CRADD: variants seen among roughly 807,000 people sequenced by gnomAD.
The protein encoded by CRADD is death domain-containing protein CRADD.
Under a neutral mutation model 15.5 loss-of-function variants are expected in CRADD, and 9 were observed. The ratio of observed to expected loss-of-function variants is 0.58; its 90% CI spans 0.35 to 1.01. The LOEUF (loss-of-function observed/expected upper bound fraction) is 1.01. Among genes scored for constraint, CRADD ranks in the 50% least tolerant of loss-of-function variants. The pLI is 0.02. For missense variants in CRADD, 227 were observed against 250.3 expected (o/e 0.91, Z 0.63); for synonymous variants, 118 against 107.6 (o/e 1.10, Z -0.60).
chr12:93,701,295 GACACACAC>G (rs55986038), intron 2 of CRADD, among the ~76,000 whole-genome samples: 7 of 143,350 alleles, frequency 4.9e-5, no homozygotes, highest in South Asian at 2.3e-4. Flanking sequence ...CTCTCTCTGT[GACACACAC>G]ACACACACAC....
intron 2 of CRADD, among the ~76,000 whole-genome samples, chr12:93,868,702 A>G (rs2137064657): frequency 1.3e-5 from 2 of 152,022 alleles, no homozygotes; most frequent in Admixed American, 1.3e-4. Context: ...ACACACACAC[A>G]CACACACACA....
chr12:93,726,094 G>GTTTT (rs1165429350), intron 2 of CRADD, among the ~76,000 whole-genome samples: 93 of 96,046 alleles, frequency 9.7e-4, no homozygotes, highest in Non-Finnish European at 1.3e-3. Flanking sequence ...AAATAGTTTA[G>GTTTT]TTTTTTTTTT....
intron 2 of CRADD, among the ~76,000 whole-genome samples, chr12:93,830,607 T>C (rs369230184): frequency 6.6e-6 from 1 of 152,254 alleles, no homozygotes; most frequent in East Asian, 1.9e-4. Flanking sequence ...ATGTTATTTC[T>C]GCAGTCCTTT....
intron 2 of CRADD, among the ~76,000 whole-genome samples, chr12:93,877,280 A>G (rs561345415): frequency 6.6e-6 from 1 of 152,162 alleles, no homozygotes; most frequent in Non-Finnish European, 1.5e-5. Context: ...ACAGCACTGG[A>G]TTTCACCAAA....
intron 2 of CRADD, among the ~76,000 whole-genome samples, chr12:93,763,654 C>T (rs746927579): frequency 2.6e-5 from 4 of 151,826 alleles, no homozygotes; most frequent in Non-Finnish European, 5.9e-5. Flanking sequence ...GTATTACCTA[C>T]TTTTAAATGC....
At chr12:93,816,737 G>T (rs2137013858) in intron 2 of CRADD, among the ~76,000 whole-genome samples, 1 of 152,266 alleles carries the variant, frequency 6.6e-6, no homozygotes, top group South Asian at 2.1e-4. Flanking sequence ...CAGTTCACCT[G>T]TCTAGGCAGG....
intron 2 of CRADD, among the ~76,000 whole-genome samples, chr12:93,788,940 A>T (rs1195157487): frequency 1.3e-5 from 2 of 152,050 alleles, no homozygotes; most frequent in African/African-American, 4.8e-5. Flanking sequence ...TCTGAAATAG[A>T]AGCACCTCTC....
At chr12:93,839,192 T>A (rs540629906) in intron 2 of CRADD, among the ~76,000 whole-genome samples, 2 of 152,212 alleles carry the variant, frequency 1.3e-5, no homozygotes, top group African/African-American at 4.8e-5. Context: ...TGTGCTGTTT[T>A]GTATTTCTAT....
At chr12:93,811,863 A>T (rs1163681445) in intron 2 of CRADD, among the ~76,000 whole-genome samples, 13 of 152,216 alleles carry the variant, frequency 8.5e-5, no homozygotes, top group Non-Finnish European at 1.5e-5. Flanking sequence ...CTTTATTCAT[A>T]ATTGCCAAGA....
At chr12:93,852,836 A>AGTGTGTGT (rs58175344), downstream of CRADD, among the ~76,000 whole-genome samples, 113 of 149,588 alleles carry the variant, frequency 7.6e-4, no homozygotes, top group African/African-American at 2.1e-3. Context: ...GTTGGGTTGG[A>AGTGTGTGT]GTGTGTGTGT....
intron 2 of CRADD, among the ~76,000 whole-genome samples, chr12:93,718,148 G>C (rs901315025): frequency 2.0e-5 from 3 of 152,176 alleles, no homozygotes; most frequent in Admixed American, 2.0e-4. Flanking sequence ...TGAGTTGGCT[G>C]TTCTGGGTCT....
intron 2 of CRADD, among the ~76,000 whole-genome samples, chr12:93,709,715 G>T (rs993596616): frequency 6.6e-6 from 1 of 152,092 alleles, no homozygotes. Context: ...ATAGTGCTTC[G>T]GTGAACATTC....
intron 2 of CRADD, among the ~76,000 whole-genome samples, chr12:93,795,106 A>C (rs895610843): frequency 2.6e-5 from 4 of 152,004 alleles, no homozygotes; most frequent in Non-Finnish European, 5.9e-5. Context: ...TTTTGCCCCT[A>C]CCTATAAAGT....
intron 2 of CRADD, among the ~76,000 whole-genome samples, chr12:93,728,011 A>T (rs1211940947): frequency 6.6e-6 from 1 of 152,112 alleles, no homozygotes; most frequent in Non-Finnish European, 1.5e-5. Context: ...GTGTTACTAT[A>T]TGCAACTTGT....
chr12:93,884,235 C>CTTATT (rs1170202310), intron 2 of CRADD, among the ~76,000 whole-genome samples: 2 of 152,206 alleles, frequency 1.3e-5, no homozygotes, highest in East Asian at 3.8e-4. Flanking sequence ...CATCCAATAA[C>CTTATT]CTCCATTACA....
intron 1 of CRADD, 69 bp from the exon 2 acceptor site, chr12:93,678,700 G>T: frequency 6.6e-7 from 1 of 1,511,778 alleles, no homozygotes; most frequent in Non-Finnish European, 9.0e-7. Context: ...AACTTACATT[G>T]CAGTGACACT....
At chr12:93,854,654 A>G (rs1338550114), downstream of CRADD, among the ~76,000 whole-genome samples, 1 of 152,130 alleles carries the variant, frequency 6.6e-6, no homozygotes, top group Non-Finnish European at 1.5e-5. Flanking sequence ...GAATCACAGT[A>G]ACAGGCAAGC....
intron 2 of CRADD, among the ~76,000 whole-genome samples, chr12:93,834,777 C>T (rs1957955986): frequency 6.6e-6 from 1 of 152,220 alleles, no homozygotes. Flanking sequence ...CGTGAGCCAC[C>T]ATGCCCAGCC....
intron 2 of CRADD, among the ~76,000 whole-genome samples, chr12:93,831,587 A>G (rs1038698485): frequency 2.6e-5 from 4 of 152,220 alleles, no homozygotes; most frequent in Admixed American, 6.5e-5. Flanking sequence ...CTGCTCCACA[A>G]GTGTTTTAAA....
Sources: gnomAD v4.1 joint callset for allele counts (sites outside exome capture counted in the v4.1 genomes callset) on GRCh38, gnomAD v4.1.1 for gene constraint, MANE v1.5 for transcripts, NCBI Gene and HGNC (gene_info 2026-07-23, HGNC 2026-07-21) for gene names.